Variants in AP2B1 observed in about 807,000 individuals in gnomAD.
AP2B1 encodes adaptor related protein complex 2 subunit beta 1.
AP2B1 carries 23 observed loss-of-function variants against 102.0 expected under a neutral mutation model. The ratio of observed to expected loss-of-function variants is 0.23; its 90% CI spans 0.16 to 0.32. The LOEUF (loss-of-function observed/expected upper bound fraction) is 0.32. AP2B1 is among the 10% of genes least tolerant of loss of function. The pLI, the probability that AP2B1 is intolerant of heterozygous loss-of-function variation, is 1.00. For synonymous variants in AP2B1, 381 were observed against 421.2 expected, an observed-to-expected ratio of 0.90 and a Z score of 1.17; for missense variants, 541 against 1,157.4, an observed-to-expected ratio of 0.47 and a Z score of 7.73.
chr17:35,633,095 G>T (rs1204285016), intron 9 of AP2B1, among the ~76,000 whole-genome samples: 3 of 152,138 alleles, frequency 2.0e-5, no homozygotes, highest in Non-Finnish European at 2.9e-5. Flanking sequence ...GGGCGCGGTG[G>T]CTCATGCCTC....
At chr17:35,636,544 T>G in intron 10 of AP2B1, 88 bp downstream of exon 10, 1 of 951,222 alleles carries the variant, frequency 1.1e-6, no homozygotes, top group Non-Finnish European at 1.6e-6. Flanking sequence ...GAATTACTCT[T>G]TTGAATGTTC....
chr17:35,611,468 TGTGTGTGTGTGTGCGC>T (rs1401254019), intron 5 of AP2B1, among the ~76,000 whole-genome samples: 1 of 151,996 alleles, frequency 6.6e-6, no homozygotes, highest in Non-Finnish European at 1.5e-5. Flanking sequence ...TAAAGTCGTG[TGTGTGTGTGTGTGCGC>T]GCGCGCACGT....
At chr17:35,680,685 GGTTT>G (rs1275055816) in intron 17 of AP2B1, among the ~76,000 whole-genome samples, 18 of 41,632 alleles carry the variant, frequency 4.3e-4, no homozygotes, top group African/African-American at 2.6e-3. Flanking sequence ...CTATGGTTTT[GGTTT>G]TTTTTTTTTT....
At chr17:35,594,544 A>G (rs1285468163) in intron 2 of AP2B1, among the ~76,000 whole-genome samples, 1 of 152,168 alleles carries the variant, frequency 6.6e-6, no homozygotes, top group African/African-American at 2.4e-5. Flanking sequence ...TTCTCTGCAT[A>G]TGAGTGCATA....
intron 18 of AP2B1, among the ~76,000 whole-genome samples, chr17:35,693,074 A>G (rs1318019784): frequency 1.3e-5 from 2 of 152,080 alleles, no homozygotes; most frequent in Admixed American, 6.6e-5. Flanking sequence ...CTGGAGTACA[A>G]TGGTGTGATC....
intron 18 of AP2B1, among the ~76,000 whole-genome samples, chr17:35,706,709 C>T (rs1227462170): frequency 1.3e-5 from 2 of 151,938 alleles, no homozygotes; most frequent in African/African-American, 2.4e-5. Flanking sequence ...GGCACAATCT[C>T]GGCTCACTGC....
intron 21 of AP2B1, among the ~76,000 whole-genome samples, chr17:35,717,843 C>T (rs1555590802): frequency 6.6e-6 from 1 of 152,146 alleles, no homozygotes; most frequent in African/African-American, 2.4e-5. Context: ...ATGGAACACA[C>T]CTTTGGAAGC....
intron 18 of AP2B1, among the ~76,000 whole-genome samples, chr17:35,685,805 C>T (rs977593819): frequency 6.6e-6 from 1 of 152,146 alleles, no homozygotes; most frequent in South Asian, 2.1e-4. Context: ...TCTTGTCACC[C>T]AGGCTCGAGT....
At chr17:35,645,134 A>G (rs2074893374) in intron 12 of AP2B1, among the ~76,000 whole-genome samples, 1 of 152,202 alleles carries the variant, frequency 6.6e-6, no homozygotes, top group African/African-American at 2.4e-5. Context: ...AAGAACCTAA[A>G]TATTTATGGC....
At chr17:35,652,542 A>G (rs1416447184) in intron 13 of AP2B1, among the ~76,000 whole-genome samples, 1 of 152,206 alleles carries the variant, frequency 6.6e-6, no homozygotes, top group Non-Finnish European at 1.5e-5. Flanking sequence ...GGTAGTAAAT[A>G]GTTGTCTAAT....
At chr17:35,590,051 G>A (rs979659468) in intron 1 of AP2B1, among the ~76,000 whole-genome samples, 4 of 149,412 alleles carry the variant, frequency 2.7e-5, no homozygotes, top group African/African-American at 7.4e-5. Context: ...TCAGCTTCCC[G>A]AGTAGCTGGG....
intron 18 of AP2B1, among the ~76,000 whole-genome samples, chr17:35,703,834 A>G (rs9910544): frequency 5.8e-4 from 88 of 152,122 alleles, no homozygotes; most frequent in African/African-American, 2.0e-3. Flanking sequence ...CTTGAAATAA[A>G]AGTTCAGTTT....
intron 9 of AP2B1, among the ~76,000 whole-genome samples, chr17:35,633,670 A>G (rs1367285743): frequency 1.3e-5 from 2 of 152,198 alleles, no homozygotes; most frequent in African/African-American, 4.8e-5. Context: ...AATCCCATAT[A>G]TCATCTTACT....
At chr17:35,653,510 A>G (rs568075848) in intron 13 of AP2B1, among the ~76,000 whole-genome samples, 8 of 152,220 alleles carry the variant, frequency 5.3e-5, no homozygotes, top group East Asian at 3.9e-4. Context: ...CTGTCATTCT[A>G]TAGCCCAGGC....
At chr17:35,612,643 A>G (rs1353630329) in intron 5 of AP2B1, among the ~76,000 whole-genome samples, 1 of 152,176 alleles carries the variant, frequency 6.6e-6, no homozygotes, top group African/African-American at 2.4e-5. Flanking sequence ...TCCATGTTAC[A>G]GGTCAAGAAA....
chr17:35,723,795 C>G lies in AP2B1; in HGVS notation c.*96C>G, dbSNP rs1206901573. ...TGTATTGCTGCGTAGAATCTGAACA[C>G]ACTGAGGCCACCTAGCAAGGTAGTA... On this transcript the variant is annotated 3_prime_UTR_variant, in exon 22 of 22. Coordinates refer to ENST00000610402, the MANE Select transcript of AP2B1 (RefSeq NM_001030006.2). 1.1e-6 allele frequency: 1 copy of G among 879,066 alleles called. No individual in the cohort carries two copies. The highest frequency in any genetic ancestry group is 1.9e-6 in the Non-Finnish European group (1 of 528,626). 54.5% of individuals were successfully genotyped at this position (879,066 alleles called of 1,614,324 possible).
chr17:35,632,424 T>A (rs2074489166), intron 9 of AP2B1, among the ~76,000 whole-genome samples: 1 of 152,142 alleles, frequency 6.6e-6, no homozygotes, highest in Non-Finnish European at 1.5e-5. Flanking sequence ...TGTAAGCCAC[T>A]GCACCCAGCC....
intron 5 of AP2B1, among the ~76,000 whole-genome samples, chr17:35,622,041 AG>A (rs1228724169): frequency 6.6e-6 from 1 of 152,204 alleles, no homozygotes; most frequent in African/African-American, 2.4e-5. Flanking sequence ...ATGTTGTGCA[AG>A]GGAAATAAAA....
chr17:35,669,186 G>A (rs1352869097), intron 14 of AP2B1, among the ~76,000 whole-genome samples: 1 of 147,962 alleles, frequency 6.8e-6, no homozygotes, highest in Non-Finnish European at 1.5e-5. Flanking sequence ...TCTTGTTGCC[G>A]AGGATGAAGT....
Sources: gnomAD v4.1 joint callset for allele counts (sites outside exome capture counted in the v4.1 genomes callset) on GRCh38, gnomAD v4.1.1 for gene constraint, MANE v1.5 for transcripts, NCBI Gene and HGNC (gene_info 2026-07-23, HGNC 2026-07-21) for gene names.